DCUN1D2: variants seen among roughly 807,000 people sequenced by gnomAD.
DCUN1D2 encodes the protein DCN1-like protein 2.
A neutral mutation model predicts 30.9 loss-of-function variants in DCUN1D2; 29 were observed. The observed-to-expected ratio is 0.94, with a 90% CI of 0.70 to 1.28. The LOEUF is 1.28. Ranked by LOEUF, DCUN1D2 falls within the 50% of genes most tolerant of loss-of-function variation. The pLI is 0.00. For missense variants in DCUN1D2, 325 were observed against 316.9 expected, an observed-to-expected ratio of 1.03 and a Z score of -0.19; for synonymous variants, 121 against 115.3, an observed-to-expected ratio of 1.05 and a Z score of -0.32.
rs577176116 is a variant in DCUN1D2, at chr13:113,456,061, C to T, written c.*1968G>A. The T allele has an allele frequency of 2.5e-6, 1 of 397,182 alleles. No homozygotes were observed. The highest frequency in any genetic ancestry group is 4.4e-6 in the Non-Finnish European group (1 of 225,778). The allele number at this position is 397,182 out of a possible 1,614,324, so 24.6% of individuals were successfully genotyped here. On this transcript the variant is annotated 3_prime_UTR_variant, in exon 7 of 7. Transcript: ENST00000478244. ...TAAACTTTTCTGAACAAAACAATTA[C>T]ATGTCAAGAATCCATGAAGCCTGGA...
intron 3 of DCUN1D2, chr13:113,475,539 G>A (rs2044601410): frequency 6.6e-6 from 1 of 152,272 alleles, no homozygotes; most frequent in Admixed American, 6.5e-5. Flanking sequence ...CTGTCTCTGA[G>A]TGACGCATGG....
intron 3 of DCUN1D2, among the ~76,000 whole-genome samples, chr13:113,478,117 T>C (rs922411184): frequency 5.9e-5 from 9 of 152,240 alleles, no homozygotes; most frequent in Admixed American, 2.0e-4. Context: ...ATGTTTAAAA[T>C]TGGGGATTTT....
At chr13:113,477,219 A>G (rs951163235) in intron 3 of DCUN1D2, among the ~76,000 whole-genome samples, 5 of 152,238 alleles carry the variant, frequency 3.3e-5, no homozygotes, top group African/African-American at 9.6e-5. Flanking sequence ...ATCACATTCA[A>G]TATAAAAAGC....
At chr13:113,463,751 C>A (rs1002818214) in intron 4 of DCUN1D2, among the ~76,000 whole-genome samples, 1 of 151,342 alleles carries the variant, frequency 6.6e-6, no homozygotes, top group Middle Eastern at 3.2e-3. Flanking sequence ...CACACAGATA[C>A]CCACAAAGAG....
In DCUN1D2 at chr13:113,458,086, A is replaced by G. The variant is rs771651272; in HGVS notation, c.723T>C (p.Asp241=). 4.3e-6 allele frequency: 7 copies of G among 1,614,208 alleles called. No homozygotes were observed. The East Asian group carries it at 1.6e-4, about 36-fold the overall frequency. The change falls in exon 7 of 7, where the codon GAT becomes GAC. Residue 241 remains aspartate (D), a synonymous_variant. Coordinates refer to ENST00000478244, the MANE Select transcript of DCUN1D2 (RefSeq NM_001014283.2). ...DEEGAWPVLI[D]DFVEYARPVV... ...CTGGCCGTGCATATTCTACAAAATC[A>G]TCTATAAGAACGGGCCAAGCTCCTA...
intron 4 of DCUN1D2, among the ~76,000 whole-genome samples, chr13:113,463,352 A>G (rs2044348704): frequency 6.6e-6 from 1 of 152,194 alleles, no homozygotes; most frequent in Non-Finnish European, 1.5e-5. Context: ...CTTAGGGCAG[A>G]CATAAAAATT....
chr13:113,459,515 T>G, intron 5 of DCUN1D2, 107 bp from the exon 6 acceptor site: 1 of 608,896 alleles, frequency 1.6e-6, no homozygotes. Flanking sequence ...TTAATTTGAT[T>G]AGGAACAAGT....
intron 4 of DCUN1D2, among the ~76,000 whole-genome samples, chr13:113,472,062 C>T (rs190722972): frequency 6.6e-6 from 1 of 150,772 alleles, no homozygotes; most frequent in Admixed American, 6.6e-5. Context: ...CCGCTACTCA[C>T]AGTAATTCTA....
chr13:113,473,663 A>G (rs754849989), intron 4 of DCUN1D2, among the ~76,000 whole-genome samples: 1 of 152,196 alleles, frequency 6.6e-6, no homozygotes, highest in Non-Finnish European at 1.5e-5. Context: ...TCATCTACCT[A>G]CATACAGAGC....
intron 2 of DCUN1D2, among the ~76,000 whole-genome samples, chr13:113,481,709 C>T (rs1019829420): frequency 1.3e-4 from 20 of 152,062 alleles, no homozygotes; most frequent in African/African-American, 4.6e-4. Context: ...CATGGCGAAA[C>T]CCCGTCTCTA....
At chr13:113,462,931 T>G in intron 4 of DCUN1D2, 1 of 1,189,560 alleles carries the variant, frequency 8.4e-7, no homozygotes, top group South Asian at 1.6e-5. Flanking sequence ...GGCACACATT[T>G]AATCTAGTTA....
At position 113,490,095 on chromosome 13, in the gene DCUN1D2, T is replaced by G. The variant is rs1417354143; in HGVS notation, c.3+572A>C. ...TGTGCACCTCCAGCAGCCTCCCTCC[T>G]GCGCTGCGGAACTCTACCAGCTCCA... is the stretch of plus-strand genomic sequence containing the variant. On this transcript the variant is annotated intron_variant, in intron 1 of 6. Coordinates refer to ENST00000478244, the MANE Select transcript of DCUN1D2 (RefSeq NM_001014283.2). The surrounding 1 kb of genome is among the most constrained non-coding windows in gnomAD (Gnocchi z 5.2). 6.6e-6 allele frequency among the ~76,000 whole-genome samples: 1 copy of G among 152,134 alleles called. No individual in the cohort carries two copies. The highest frequency in any genetic ancestry group is 2.4e-5 in the African/African-American group (1 of 41,436).
chr13:113,462,913 A>G (rs763380300), intron 4 of DCUN1D2: 7 of 1,238,638 alleles, frequency 5.7e-6, no homozygotes, highest in Admixed American at 2.8e-5. Context: ...AAAAAAATAA[A>G]GTTTTATGGC....
At chr13:113,472,766 T>C (rs1464207851) in intron 4 of DCUN1D2, among the ~76,000 whole-genome samples, 1 of 152,206 alleles carries the variant, frequency 6.6e-6, no homozygotes, top group Non-Finnish European at 1.5e-5. Context: ...AGGTGCCGCA[T>C]GCGGCAGGCT....
chr13:113,489,546 CCT>C (rs1407334948), intron 1 of DCUN1D2, among the ~76,000 whole-genome samples: 1 of 152,100 alleles, frequency 6.6e-6, no homozygotes, highest in African/African-American at 2.4e-5. Flanking sequence ...CTACCAGCCC[CCT>C]CTCAGTCTCC....
chr13:113,456,753 G>C lies in DCUN1D2; in HGVS notation c.*1276C>G, dbSNP rs1284617719. 2.2e-5 allele frequency: 4 copies of C among 179,064 alleles called. No homozygotes were observed. The highest frequency in any genetic ancestry group is 4.6e-5 in the Non-Finnish European group (4 of 86,596). The allele number at this position is 179,064 out of a possible 1,614,324, so 11.1% of individuals were successfully genotyped here. The stretch of plus-strand genomic sequence containing the variant: ...CAATCAGATGAAGGTTTTGGGGTTG[G>C]GTTTTTTCAGACAACGATGTACATT... On this transcript the variant is annotated 3_prime_UTR_variant, in exon 7 of 7. Transcript: ENST00000478244.
intron 2 of DCUN1D2, 22 bp from the exon 3 acceptor site, chr13:113,480,765 A>C: frequency 6.2e-7 from 1 of 1,612,382 alleles, no homozygotes; most frequent in Non-Finnish European, 8.5e-7. Context: ...ATCAGGGGAA[A>C]AGGAAGTTAT....
At chr13:113,483,123 T>TA (rs772764852) in intron 2 of DCUN1D2, among the ~76,000 whole-genome samples, 4 of 152,192 alleles carry the variant, frequency 2.6e-5, no homozygotes, top group Non-Finnish European at 5.9e-5. Context: ...AGTCAGCTCT[T>TA]AGACTGCTGC....
chr13:113,472,087 A>G (rs1215550802), intron 4 of DCUN1D2, among the ~76,000 whole-genome samples: 2 of 150,234 alleles, frequency 1.3e-5, no homozygotes, highest in Admixed American at 6.6e-5. Flanking sequence ...TGGAGACAGC[A>G]TTCGTTTCGT....
Sources: gnomAD v4.1 joint callset for allele counts (sites outside exome capture counted in the v4.1 genomes callset) on GRCh38, gnomAD v4.1.1 for gene constraint, Gnocchi (gnomAD v3.1) non-coding constraint, MANE v1.5 for transcripts, NCBI Gene and HGNC (gene_info 2026-07-23, HGNC 2026-07-21) for gene names.